ILDR1: variants seen among roughly 807,000 people sequenced by gnomAD.
The protein encoded by ILDR1 is immunoglobulin-like domain-containing receptor 1.
Under a neutral mutation model 62.4 loss-of-function variants are expected in ILDR1, and 56 were observed. The observed-to-expected ratio is 0.90, with a 90% confidence interval of 0.72 to 1.12. The LOEUF (loss-of-function observed/expected upper bound fraction) is 1.12. ILDR1 is among the 50% of genes most tolerant of loss of function. The probability of loss-of-function intolerance (pLI) is 0.00; values close to 1 mark genes in which losing one functional copy is unlikely to be tolerated. For synonymous variants in ILDR1, 284 were observed against 277.8 expected (o/e 1.02, Z -0.22); for missense variants, 736 against 710.6 (o/e 1.04, Z -0.41).
the ILDR1 span, among the ~76,000 whole-genome samples, chr3:122,030,632 T>TCA: frequency 1.3e-5 from 2 of 151,564 alleles, no homozygotes; most frequent in African/African-American, 2.4e-5. Flanking sequence ...TTTCTCTCTC[T>TCA]CTCTCTCTCT....
At chr3:122,004,666 C>A (rs1230852662) in intron 3 of ILDR1, among the ~76,000 whole-genome samples, 1 of 152,128 alleles carries the variant, frequency 6.6e-6, no homozygotes, top group Non-Finnish European at 1.5e-5. Flanking sequence ...TACCATGATG[C>A]CTGTCGTTCA....
At chr3:122,023,531 G>A (rs905667833), upstream of ILDR1, among the ~76,000 whole-genome samples, 57 of 152,122 alleles carry the variant, frequency 3.7e-4, no homozygotes, top group Middle Eastern at 3.4e-3. Flanking sequence ...TGCTGTGAGG[G>A]GGCCCCTTAC....
At chr3:122,018,394 T>TGGG (rs535294009) in intron 1 of ILDR1, among the ~76,000 whole-genome samples, 84 of 51,930 alleles carry the variant, frequency 1.6e-3, no homozygotes, top group African/African-American at 5.6e-3. Flanking sequence ...CCTGTTGGGG[T>TGGG]GGGGGGGGGG....
intron 1 of ILDR1, 112 bp downstream of exon 1, chr3:122,021,908 G>C: frequency 2.9e-6 from 3 of 1,020,868 alleles, no homozygotes; most frequent in Non-Finnish European, 3.0e-6. Context: ...AGCGCCACCA[G>C]AGCGCGGCCC....
chr3:122,009,364 C>CACACAT (rs1202625311), intron 1 of ILDR1, among the ~76,000 whole-genome samples: 2 of 151,496 alleles, frequency 1.3e-5, no homozygotes, highest in African/African-American at 4.9e-5. Flanking sequence ...CACACACACA[C>CACACAT]AGGCTTTAGA....
chr3:122,010,233 T>C (rs1192953466), intron 1 of ILDR1, among the ~76,000 whole-genome samples: 1 of 151,992 alleles, frequency 6.6e-6, no homozygotes, highest in Non-Finnish European at 1.5e-5. Flanking sequence ...AGAAGATAAA[T>C]AAGGCGGGGC....
chr3:122,036,887 C>A, the ILDR1 span, among the ~76,000 whole-genome samples: 1 of 152,208 alleles, frequency 6.6e-6, no homozygotes, highest in Non-Finnish European at 1.5e-5. Context: ...GGATATGGCA[C>A]CCTGCATCCC....
the ILDR1 span, among the ~76,000 whole-genome samples, chr3:122,052,466 T>C: frequency 1.3e-5 from 2 of 152,160 alleles, no homozygotes; most frequent in Non-Finnish European, 2.9e-5. Context: ...TTGTTCTCAG[T>C]GTCCCCCAGG....
chr3:122,011,351 G>C (rs1186772294), intron 1 of ILDR1, among the ~76,000 whole-genome samples: 1 of 152,032 alleles, frequency 6.6e-6, no homozygotes, highest in East Asian at 1.9e-4. Flanking sequence ...ACACCCTTGA[G>C]GAGGGGAAAT....
the ILDR1 span, among the ~76,000 whole-genome samples, chr3:122,028,181 A>AT: frequency 1.1e-3 from 164 of 151,796 alleles, 3 homozygotes; most frequent in South Asian, 0.03. Flanking sequence ...CGGAAAAAAA[A>AT]AAAAATTAGC....
the ILDR1 span, among the ~76,000 whole-genome samples, chr3:122,035,537 G>A: frequency 7.9e-5 from 12 of 152,148 alleles, no homozygotes; most frequent in South Asian, 2.1e-4. Flanking sequence ...TGATTGGATC[G>A]TGGGGGCAGA....
intron 7 of ILDR1, among the ~76,000 whole-genome samples, chr3:121,988,677 GCT>G (rs2071290574): frequency 1.3e-5 from 2 of 152,226 alleles, no homozygotes; most frequent in South Asian, 2.1e-4. Flanking sequence ...TCTGCCTCTT[GCT>G]CTGTTTTCTA....
At chr3:122,001,232 T>C (rs1031472878) in intron 5 of ILDR1, 76 bp downstream of exon 5, 3 of 1,521,888 alleles carry the variant, frequency 2.0e-6, no homozygotes, top group Non-Finnish European at 2.7e-6. Flanking sequence ...ATCTTTGACC[T>C]GGCACTTGAA....
upstream of ILDR1, among the ~76,000 whole-genome samples, chr3:122,023,246 C>T (rs963597857): frequency 2.6e-5 from 4 of 151,736 alleles, no homozygotes; most frequent in African/African-American, 9.7e-5. Context: ...ACTCACAGAC[C>T]TCAACCCCCA....
At chr3:122,051,034 G>C in the ILDR1 span, among the ~76,000 whole-genome samples, 2 of 152,148 alleles carry the variant, frequency 1.3e-5, no homozygotes, top group Non-Finnish European at 2.9e-5. Flanking sequence ...TGTATGTAAT[G>C]AACTGCTTTT....
chr3:122,021,863 C>T (rs1485506847), intron 1 of ILDR1, among the ~76,000 whole-genome samples, 157 bp downstream of exon 1: 1 of 152,360 alleles, frequency 6.6e-6, no homozygotes, highest in Non-Finnish European at 1.5e-5. Context: ...GGCAGAAACT[C>T]GATCCAGTCC....
chr3:122,007,235 G>A (rs1559878652), intron 1 of ILDR1, 74 bp from the exon 2 acceptor site: 1 of 1,605,432 alleles, frequency 6.2e-7, no homozygotes. Flanking sequence ...ATGCAAATGG[G>A]CAAAAGATAT....
At chr3:122,037,101 G>A in the ILDR1 span, among the ~76,000 whole-genome samples, 6,845 of 152,350 alleles carry the variant, frequency 0.045, 216 homozygotes, top group South Asian at 0.1. Context: ...CAGAAGTCTG[G>A]TGAAAGGGTG....
intron 1 of ILDR1, 98 bp downstream of exon 1, chr3:122,021,922 C>T (rs1479586876): frequency 8.4e-7 from 1 of 1,196,180 alleles, no homozygotes; most frequent in Non-Finnish European, 1.2e-6. Flanking sequence ...GCGGCCCAGG[C>T]CTCCACTGCC....
Sources: allele counts gnomAD v4.1 joint callset (sites outside exome capture counted in the v4.1 genomes callset), GRCh38; gene constraint gnomAD v4.1.1; transcripts MANE v1.5; gene names NCBI Gene and HGNC (gene_info 2026-07-23, HGNC 2026-07-21).